DGKI: variants seen among roughly 807,000 people sequenced by gnomAD.
DGKI encodes the protein diacylglycerol kinase iota.
A neutral mutation model predicts 147.5 loss-of-function variants in DGKI; 55 were observed. That is an observed-to-expected ratio of 0.37 (90% CI 0.30 to 0.47). DGKI has a LOEUF of 0.47. DGKI is among the 20% of genes least tolerant of loss of function. DGKI has a pLI of 1.00. For missense variants in DGKI, 1,007 were observed against 1,323.8 expected, an observed-to-expected ratio of 0.76 and a Z score of 3.71; for synonymous variants, 469 against 477.1, an observed-to-expected ratio of 0.98 and a Z score of 0.22.
intron 6 of DGKI, among the ~76,000 whole-genome samples, chr7:137,636,548 A>G (rs951181084): frequency 3.3e-5 from 5 of 152,050 alleles, no homozygotes; most frequent in African/African-American, 9.7e-5. Flanking sequence ...CACTCATCTC[A>G]TTCCCTCAGT....
At chr7:137,501,973 T>C (rs1816189958) in intron 21 of DGKI, among the ~76,000 whole-genome samples, 1 of 152,178 alleles carries the variant, frequency 6.6e-6, no homozygotes, top group Admixed American at 6.5e-5. Flanking sequence ...CAAGATCTGA[T>C]GGTTTTAAAA....
chr7:137,531,061 TC>T (rs1817321705), intron 20 of DGKI, among the ~76,000 whole-genome samples: 1 of 152,184 alleles, frequency 6.6e-6, no homozygotes, highest in Non-Finnish European at 1.5e-5. Flanking sequence ...CCACATACAC[TC>T]TTTGTACATT....
At chr7:137,552,963 A>G (rs1227928982) in intron 19 of DGKI, among the ~76,000 whole-genome samples, 1 of 152,146 alleles carries the variant, frequency 6.6e-6, no homozygotes, top group Non-Finnish European at 1.5e-5. Flanking sequence ...TCCATTGTAC[A>G]TAACCAAGGA....
intron 21 of DGKI, among the ~76,000 whole-genome samples, chr7:137,513,500 T>C (rs1458534967): frequency 3.3e-5 from 5 of 152,248 alleles, no homozygotes; most frequent in Non-Finnish European, 7.3e-5. Context: ...CTTAGTTTTA[T>C]AGTTAAATAC....
intron 30 of DGKI, among the ~76,000 whole-genome samples, chr7:137,401,128 G>A (rs576781562): frequency 2.0e-5 from 3 of 152,238 alleles, no homozygotes; most frequent in Non-Finnish European, 2.9e-5. Context: ...GAGTTTAACT[G>A]TACCCTGTGA....
At chr7:137,538,124 T>G (rs1817578169) in intron 20 of DGKI, among the ~76,000 whole-genome samples, 1 of 152,200 alleles carries the variant, frequency 6.6e-6, no homozygotes, top group Admixed American at 6.5e-5. Flanking sequence ...TCTAGTTTAC[T>G]TCTCTGGCCA....
chr7:137,470,759 C>T (rs1195420489), intron 23 of DGKI, among the ~76,000 whole-genome samples: 4 of 151,980 alleles, frequency 2.6e-5, no homozygotes, highest in Non-Finnish European at 5.9e-5. Context: ...CTTGCCCTTC[C>T]AAACTCCTGA....
intron 8 of DGKI, among the ~76,000 whole-genome samples, chr7:137,612,671 G>A (rs1021914966): frequency 7.2e-5 from 11 of 152,028 alleles, no homozygotes; most frequent in East Asian, 5.8e-4. Flanking sequence ...AAAAGAGCAC[G>A]CTTTTCGAGA....
At position 137,654,788 on chromosome 7, in the gene DGKI, T is replaced by C. The variant is rs779519099; in HGVS notation, c.682A>G (p.Ile228Val). ...HTACIEQLEK[I>V]NFRCKPTFRE... ...AATGTTGGTTTACATCTGAAATTAA[T>C]CTGTCATTCAAAAAGAAAAGTATAT... The change falls in exon 5 of 33, where the codon ATT becomes GTT. Residue 228 changes from isoleucine (I) to valine (V), a missense_variant and splice_region_variant. Physicochemically the swap from Ile to Val is conservative, Grantham distance 29. Transcript: ENST00000614521. 10 of 1,598,506 alleles carry C rather than the reference T, an allele frequency of 6.3e-6. No homozygotes were observed. In the East Asian group the frequency reaches 2.2e-4, roughly 36 times the overall value.
At chr7:137,844,509 C>A (rs1585562212) in intron 1 of DGKI, among the ~76,000 whole-genome samples, 1 of 152,152 alleles carries the variant, frequency 6.6e-6, no homozygotes, top group African/African-American at 2.4e-5. Context: ...TAACCAGACA[C>A]CTGAGGTGAC....
chr7:137,590,023 GAAAA>G (rs1226171195), intron 12 of DGKI, among the ~76,000 whole-genome samples: 2 of 128,754 alleles, frequency 1.6e-5, no homozygotes, highest in Non-Finnish European at 3.4e-5. Context: ...TGATAGAAAA[GAAAA>G]AAAGAAAGAA....
At chr7:137,582,317 A>G (rs1381456474) in intron 14 of DGKI, among the ~76,000 whole-genome samples, 1 of 152,088 alleles carries the variant, frequency 6.6e-6, no homozygotes, top group Non-Finnish European at 1.5e-5. Context: ...TGTCTAACCA[A>G]CTTAATCAGT....
chr7:137,411,918 C>T (rs1336528893), intron 29 of DGKI, among the ~76,000 whole-genome samples: 1 of 152,176 alleles, frequency 6.6e-6, no homozygotes, highest in Non-Finnish European at 1.5e-5. Context: ...ATGTCAGCTT[C>T]TAGAGGGCAG....
In DGKI at chr7:137,458,706, T is replaced by C. The variant is rs117004428; in HGVS notation, c.2735+4783A>G. ...CATAGATCCTCAAGTGGCAAAATTCTTCCTTACAACTCAAATAGATTTGGT... is the reference window on the plus strand; with the variant it reads ...CATAGATCCTCAAGTGGCAAAATTCCTCCTTACAACTCAAATAGATTTGGT... On this transcript the variant is annotated intron_variant, in intron 27 of 32. Coordinates refer to ENST00000614521, the MANE Select transcript of DGKI (RefSeq NM_001321708.2). Among the ~76,000 whole-genome samples the C allele has an allele frequency of 2.6e-4, 39 of 152,286 alleles. No individual in the cohort carries two copies. In the East Asian group the frequency reaches 6.8e-3, roughly 26 times the overall value.
At chr7:137,522,685 T>C (rs1349591981) in intron 20 of DGKI, among the ~76,000 whole-genome samples, 1 of 152,136 alleles carries the variant, frequency 6.6e-6, no homozygotes, top group African/African-American at 2.4e-5. Context: ...CACCAAACTT[T>C]CTGAACATCT....
At chr7:137,745,083 C>A (rs1484002646) in intron 1 of DGKI, among the ~76,000 whole-genome samples, 1 of 151,934 alleles carries the variant, frequency 6.6e-6, no homozygotes, top group Non-Finnish European at 1.5e-5. Flanking sequence ...TACACGTGCC[C>A]CCTGAATCTA....
intron 19 of DGKI, among the ~76,000 whole-genome samples, chr7:137,556,182 T>C (rs1818217120): frequency 6.6e-6 from 1 of 151,750 alleles, no homozygotes; most frequent in Non-Finnish European, 1.5e-5. Flanking sequence ...ATGATAAAAA[T>C]GAATTTCATA....
intron 6 of DGKI, among the ~76,000 whole-genome samples, chr7:137,643,217 G>T (rs190856741): frequency 6.0e-4 from 91 of 150,444 alleles, no homozygotes; most frequent in Admixed American, 3.4e-3. Flanking sequence ...CATGAACCTG[G>T]GAGGCGGAGC....
At chr7:137,492,550 T>C (rs1235108205) in intron 21 of DGKI, among the ~76,000 whole-genome samples, 1 of 152,156 alleles carries the variant, frequency 6.6e-6, no homozygotes, top group Non-Finnish European at 1.5e-5. Context: ...CATGGACTTA[T>C]AGAATCCTGG....
Sources: allele counts gnomAD v4.1 joint callset (sites outside exome capture counted in the v4.1 genomes callset), GRCh38; gene constraint gnomAD v4.1.1; transcripts MANE v1.5; gene names NCBI Gene and HGNC (gene_info 2026-07-23, HGNC 2026-07-21).